Variants in RAI1 observed in about 807,000 individuals in gnomAD.
RAI1 encodes the protein retinoic acid induced 1, also known as retinoic acid-induced protein 1.
RAI1 carries 9 observed loss-of-function variants against 123.8 expected under a neutral mutation model. The observed-to-expected ratio is 0.07, with a 90% CI of 0.04 to 0.13. The LOEUF is 0.13. RAI1 is among the 10% of genes least tolerant of loss of function. RAI1 has a pLI of 1.00. For synonymous variants in RAI1, 1,231 were observed against 1,127.3 expected, an observed-to-expected ratio of 1.09 and a Z score of -1.84; for missense variants, 2,256 against 2,545.8, an observed-to-expected ratio of 0.89 and a Z score of 2.45.
intron 1 of RAI1, among the ~76,000 whole-genome samples, chr17:17,706,710 C>G (rs188772061): frequency 2.0e-5 from 3 of 152,244 alleles, no homozygotes; most frequent in East Asian, 1.9e-4. Context: ...GTGAGAATCA[C>G]CCCTCCTGCC....
In RAI1 at chr17:17,801,187, A is replaced by C. The variant is rs963109542; in HGVS notation, c.5566-2569A>C. The stretch of plus-strand genomic sequence containing the variant: ...CTGAGCCCTGCCTGCCCTTCCCCCA[A>C]AGCCATCATAGACCCCTACCTCCTA... On this transcript the variant is annotated intron_variant, in intron 3 of 5. Coordinates refer to ENST00000353383, the MANE Select transcript of RAI1 (RefSeq NM_030665.4). The surrounding 1 kb of genome is among the most constrained non-coding windows in gnomAD (Gnocchi z 4.1). Among the ~76,000 whole-genome samples, 1 of 151,972 alleles carries C rather than the reference A, an allele frequency of 6.6e-6. No homozygotes were observed. The highest frequency in any genetic ancestry group is 2.1e-4 in the South Asian group (1 of 4,822).
intron 2 of RAI1, among the ~76,000 whole-genome samples, chr17:17,787,177 T>C (rs900866085): frequency 3.3e-5 from 5 of 152,198 alleles, no homozygotes; most frequent in Non-Finnish European, 5.9e-5. Flanking sequence ...AGCACCTCTG[T>C]GGGTCCCATC....
In RAI1 at chr17:17,792,673, C is replaced by A. The variant is rs1040799124; in HGVS notation, c.-16-260C>A. On this transcript the variant is annotated intron_variant, in intron 2 of 5. Transcript: ENST00000353383. ...GTCCTTGGCAAGACTCAGCTGCAGG[C>A]GATGTGGGAGCGGGAATTACAGAGC... 4.5e-4 allele frequency among the ~76,000 whole-genome samples: 68 copies of A among 151,128 alleles called. 1 individual carries two copies. Among genetic ancestry groups the A allele is most frequent in the Non-Finnish European group, 7.4e-5 (5 of 67,776 alleles).
chr17:17,735,075 C>T (rs988555597), intron 2 of RAI1, among the ~76,000 whole-genome samples: 1 of 150,854 alleles, frequency 6.6e-6, no homozygotes, highest in African/African-American at 2.4e-5. Context: ...TTTTTCGAGA[C>T]GGAGTCTTGC....
intron 1 of RAI1, among the ~76,000 whole-genome samples, chr17:17,715,006 A>T (rs1206618264): frequency 6.6e-6 from 1 of 152,228 alleles, no homozygotes; most frequent in Admixed American, 6.5e-5. Context: ...GGTAAGCAGG[A>T]GCAGAAATGC....
chr17:17,689,085 A>C (rs1231565223), intron 1 of RAI1, among the ~76,000 whole-genome samples: 1 of 151,496 alleles, frequency 6.6e-6, no homozygotes, highest in Non-Finnish European at 1.5e-5. Context: ...CCTCCCTAGT[A>C]GCTGGGATTA....
intron 2 of RAI1, among the ~76,000 whole-genome samples, chr17:17,765,552 G>A (rs781728555): frequency 2.0e-5 from 3 of 152,254 alleles, no homozygotes; most frequent in Non-Finnish European, 4.4e-5. Flanking sequence ...ACACGGTGGT[G>A]TTATAGCACA....
chr17:17,681,899 T>G, intron 1 of RAI1, 106 bp downstream of exon 1: 1 of 221,640 alleles, frequency 4.5e-6, no homozygotes, highest in East Asian at 8.5e-5. Flanking sequence ...CGAGGCGGGT[T>G]CGGACGCCGA....
intron 1 of RAI1, among the ~76,000 whole-genome samples, chr17:17,722,502 C>T (rs1915914257): frequency 6.6e-6 from 1 of 152,204 alleles, no homozygotes; most frequent in Non-Finnish European, 1.5e-5. Flanking sequence ...ACGCGCCGGC[C>T]TTGAGTGCGC....
intron 2 of RAI1, among the ~76,000 whole-genome samples, chr17:17,772,167 G>A (rs1296574589): frequency 6.6e-6 from 1 of 152,158 alleles, no homozygotes; most frequent in African/African-American, 2.4e-5. Context: ...CAGGAGGAAG[G>A]GATTCCTAAC....
At chr17:17,696,926 C>A (rs1235206742) in intron 1 of RAI1, among the ~76,000 whole-genome samples, 1 of 152,200 alleles carries the variant, frequency 6.6e-6, no homozygotes, top group Non-Finnish European at 1.5e-5. Flanking sequence ...TCTGCTTTGA[C>A]TTCCTAGGAG....
intron 1 of RAI1, among the ~76,000 whole-genome samples, chr17:17,705,185 G>A (rs1377641901): frequency 6.6e-6 from 1 of 152,168 alleles, no homozygotes; most frequent in African/African-American, 2.4e-5. Flanking sequence ...CTGTCCCCCG[G>A]CCAGGGGTCC....
At chr17:17,711,948 C>T (rs1232160773) in intron 1 of RAI1, among the ~76,000 whole-genome samples, 1 of 152,226 alleles carries the variant, frequency 6.6e-6, no homozygotes, top group African/African-American at 2.4e-5. Context: ...CGGTGTCCGG[C>T]CCTGATGACC....
chr17:17,710,058 C>T (rs902782940), intron 1 of RAI1, among the ~76,000 whole-genome samples: 1 of 152,182 alleles, frequency 6.6e-6, no homozygotes, highest in Non-Finnish European at 1.5e-5. Context: ...ACACACTCTG[C>T]ACCACTCGCC....
chr17:17,681,816 C>CAGCGAGCGCCGGGGCGCG (rs1914424982), intron 1 of RAI1, 23 bp downstream of exon 1: 3 of 297,578 alleles, frequency 1.0e-5, no homozygotes, highest in Non-Finnish European at 1.9e-5. Flanking sequence ...CGCCGGGGCG[C>CAGCGAGCGCCGGGGCGCG]GGGGGGCGCA....
At chr17:17,751,357 T>C (rs1215472386) in intron 2 of RAI1, among the ~76,000 whole-genome samples, 1 of 152,250 alleles carries the variant, frequency 6.6e-6, no homozygotes, top group African/African-American at 2.4e-5. Flanking sequence ...TCTCGGCTCC[T>C]GTGTCTGCTT....
rs2032254320 is a variant in RAI1, at chr17:17,796,471, A to G, written c.3523A>G (p.Lys1175Glu). Residue 1175 changes from lysine (K) to glutamate (E), a missense_variant, in exon 3 of 6, where the codon AAG becomes GAG. By Grantham distance (56) the Lys-to-Glu change is moderately conservative (BLOSUM62 1). Transcript: ENST00000353383. The surrounding 1 kb of genome is among the most constrained non-coding windows in gnomAD (Gnocchi z 5.8). ...EGRLPNCRATKKLLDNSHLPA... is the reference protein window; with the variant it reads ...EGRLPNCRATEKLLDNSHLPA... ...CCGGCTCCCCAACTGCCGTGCCACC[A>G]AGAAGCTCCTCGACAACAGCCACTT... is the stretch of plus-strand genomic sequence containing the variant. 9.9e-6 allele frequency: 16 copies of G among 1,612,136 alleles called. No individual in the cohort carries two copies. Among genetic ancestry groups the G allele is most frequent in the Non-Finnish European group, 1.4e-5 (16 of 1,179,904 alleles).
At chr17:17,789,692 A>G (rs1394037068) in intron 2 of RAI1, among the ~76,000 whole-genome samples, 2 of 152,138 alleles carry the variant, frequency 1.3e-5, no homozygotes, top group Non-Finnish European at 2.9e-5. Context: ...CTAAGGGTGA[A>G]GTGTTCATGT....
chr17:17,766,408 G>T (rs1479717465), intron 2 of RAI1: 1 of 152,222 alleles, frequency 6.6e-6, no homozygotes, highest in South Asian at 2.1e-4. Context: ...GCTTTGATGC[G>T]AGCCACCACC....
Sources: gnomAD v4.1 joint callset for allele counts (sites outside exome capture counted in the v4.1 genomes callset) on GRCh38, gnomAD v4.1.1 for gene constraint, Gnocchi (gnomAD v3.1) non-coding constraint, MANE v1.5 for transcripts, NCBI Gene and HGNC (gene_info 2026-07-23, HGNC 2026-07-21) for gene names.